Variants in GPC6 observed in about 807,000 individuals in gnomAD.
GPC6 encodes glypican-6.
GPC6 carries 14 observed loss-of-function variants against 55.2 expected under a neutral mutation model. The ratio of observed to expected loss-of-function variants is 0.25; its 90% CI spans 0.17 to 0.40. The LOEUF is 0.40. Ranked by LOEUF, GPC6 falls within the 10% of genes least tolerant of loss-of-function variation. GPC6 has a pLI of 1.00. For synonymous variants in GPC6, 278 were observed against 259.6 expected (o/e 1.07, Z -0.68); for missense variants, 641 against 708.5 (o/e 0.90, Z 1.08).
intron 1 of GPC6, among the ~76,000 whole-genome samples, chr13:93,442,202 G>T (rs1038018757): frequency 2.6e-5 from 4 of 152,150 alleles, no homozygotes; most frequent in Non-Finnish European, 5.9e-5. Context: ...TCCACCAGAG[G>T]CTCCTAAGTA....
chr13:94,312,527 G>T (rs781293152), intron 6 of GPC6, among the ~76,000 whole-genome samples: 61 of 152,148 alleles, frequency 4.0e-4, no homozygotes, highest in Middle Eastern at 6.3e-3. Flanking sequence ...AATTGCCATG[G>T]CATTTCATTG....
chr13:93,233,858 C>T (rs192352341), intron 1 of GPC6, among the ~76,000 whole-genome samples: 15 of 152,210 alleles, frequency 9.9e-5, no homozygotes, highest in Admixed American at 2.0e-4. Flanking sequence ...CTTACATAGA[C>T]GGAAAGAATC....
chr13:93,687,834 A>G (rs149447654), intron 2 of GPC6, among the ~76,000 whole-genome samples: 51 of 152,010 alleles, frequency 3.4e-4, no homozygotes, highest in Non-Finnish European at 6.2e-4. Context: ...TAACCCTTTC[A>G]TCCCTTCCGT....
chr13:93,686,401 T>C (rs540507855), intron 2 of GPC6, among the ~76,000 whole-genome samples: 1 of 152,252 alleles, frequency 6.6e-6, no homozygotes, highest in African/African-American at 2.4e-5. Flanking sequence ...ATCCTTTGGC[T>C]GTCTTGAGAT....
At chr13:94,090,222 CCA>C (rs1391013878) in intron 4 of GPC6, among the ~76,000 whole-genome samples, 1 of 152,054 alleles carries the variant, frequency 6.6e-6, no homozygotes, top group African/African-American at 2.4e-5. Context: ...CTTTATAAAA[CCA>C]TCAGATCTCG....
intron 2 of GPC6, among the ~76,000 whole-genome samples, chr13:93,586,870 A>T (rs1014063415): frequency 2.4e-4 from 37 of 151,802 alleles, no homozygotes; most frequent in African/African-American, 8.0e-4. Context: ...GTTATTGGGG[A>T]TTCTGTGAAA....
At position 94,279,874 on chromosome 13, in the gene GPC6, A is replaced by G. The variant is rs533267217; in HGVS notation, c.878-6475A>G. Reference sequence around the variant, plus strand: ...TGTTTTACTTCCAATTATGTGATCAATTTTAGAGCAAGTGTCATGTGGCAC... The same window carrying G: ...TGTTTTACTTCCAATTATGTGATCAGTTTTAGAGCAAGTGTCATGTGGCAC... On this transcript the variant is annotated intron_variant, in intron 4 of 8. Coordinates refer to ENST00000377047, the MANE Select transcript of GPC6 (RefSeq NM_005708.5). 1.3e-3 allele frequency among the ~76,000 whole-genome samples: 203 copies of G among 152,242 alleles called. 1 individual carries two copies. Among genetic ancestry groups the G allele is most frequent in the Non-Finnish European group, 1.7e-3 (117 of 68,020 alleles).
chr13:93,300,328 C>T (rs1005070917), intron 1 of GPC6, among the ~76,000 whole-genome samples: 1 of 152,132 alleles, frequency 6.6e-6, no homozygotes, highest in East Asian at 1.9e-4. Context: ...TTCGTAAATT[C>T]AGCAAGTTCC....
At chr13:93,794,723 C>G (rs1886147325) in intron 2 of GPC6, among the ~76,000 whole-genome samples, 1 of 152,130 alleles carries the variant, frequency 6.6e-6, no homozygotes, top group African/African-American at 2.4e-5. Context: ...ATTAGAGTCA[C>G]TTATAGTAGA....
chr13:93,926,692 A>G (rs555649782), intron 3 of GPC6, among the ~76,000 whole-genome samples: 2 of 152,336 alleles, frequency 1.3e-5, no homozygotes, highest in African/African-American at 4.8e-5. Context: ...GTTATGGGCT[A>G]TAATTCAAAT....
In GPC6 at chr13:93,227,514, C is replaced by T. The variant is rs1274891198; in HGVS notation, c.58C>T (p.Pro20Ser). 11 of 1,613,758 alleles carry T rather than the reference C, an allele frequency of 6.8e-6. No homozygotes were observed. Among genetic ancestry groups the T allele is most frequent in the Non-Finnish European group, 9.3e-6 (11 of 1,179,802 alleles). The change falls in exon 1 of 9, where the codon CCC becomes TCC. Residue 20 changes from proline to serine, a missense_variant. Pro to Ser is a moderately conservative substitution (Grantham distance 74). Transcript: ENST00000377047. This position sits in a 1 kb window ranked among gnomAD's most constrained non-coding sequence, Gnocchi z 4.3. ...LPLLGLLLSL[P>S]AGADVKARSC... ...CCTCTTGGGGCTGCTGCTCTCCCTCCCCGCCGGGGCGGATGTGAAGGCTCG... is the reference window on the plus strand; with the variant it reads ...CCTCTTGGGGCTGCTGCTCTCCCTCTCCGCCGGGGCGGATGTGAAGGCTCG...
At chr13:93,668,621 G>A (rs758716012) in intron 2 of GPC6, among the ~76,000 whole-genome samples, 10 of 152,164 alleles carry the variant, frequency 6.6e-5, no homozygotes, top group Non-Finnish European at 5.9e-5. Context: ...AGACCGCCAT[G>A]TGAATATGGA....
chr13:93,560,434 C>A (rs1395928024), intron 2 of GPC6, among the ~76,000 whole-genome samples: 1 of 151,880 alleles, frequency 6.6e-6, no homozygotes, highest in Non-Finnish European at 1.5e-5. Flanking sequence ...TGGGGAGGAT[C>A]ACTTCAGCCC....
rs569969049 is a variant in GPC6, at chr13:93,743,231, G to A, written c.320-86923G>A. On this transcript the variant is annotated intron_variant, in intron 2 of 8. Coordinates refer to ENST00000377047, the MANE Select transcript of GPC6 (RefSeq NM_005708.5). ...AGACACTGAAAGGTCAAGTAGACAGGTGTAGGTATCACAGACCATGGGGTA... is the reference window on the plus strand; with the variant it reads ...AGACACTGAAAGGTCAAGTAGACAGATGTAGGTATCACAGACCATGGGGTA... Among the ~76,000 whole-genome samples the A allele has an allele frequency of 4.6e-5, 7 of 152,256 alleles. No homozygotes were observed. In the South Asian group the frequency reaches 1.5e-3, roughly 32 times the overall value.
chr13:94,135,486 A>G (rs546104389), intron 4 of GPC6, among the ~76,000 whole-genome samples: 2 of 152,272 alleles, frequency 1.3e-5, no homozygotes, highest in African/African-American at 4.8e-5. Context: ...TCTACTTTCA[A>G]TTTAATTCAG....
chr13:94,303,266 C>T (rs758929439), intron 5 of GPC6, among the ~76,000 whole-genome samples: 18 of 152,214 alleles, frequency 1.2e-4, no homozygotes, highest in Admixed American at 6.5e-5. Context: ...TGTCCCTCCC[C>T]CTGTGCTCTT....
chr13:94,087,643 G>A (rs1040012184), intron 4 of GPC6, among the ~76,000 whole-genome samples: 3 of 152,202 alleles, frequency 2.0e-5, no homozygotes, highest in Non-Finnish European at 4.4e-5. Flanking sequence ...CCTGCCAAAA[G>A]TCATTTAGTT....
intron 2 of GPC6, among the ~76,000 whole-genome samples, chr13:93,734,737 A>T (rs993365166): frequency 6.6e-6 from 1 of 152,190 alleles, no homozygotes; most frequent in Non-Finnish European, 1.5e-5. Context: ...GGAAATTTTT[A>T]AAAATAACCA....
intron 4 of GPC6, among the ~76,000 whole-genome samples, chr13:94,090,129 C>T (rs893202707): frequency 6.6e-6 from 1 of 152,056 alleles, no homozygotes; most frequent in Non-Finnish European, 1.5e-5. Flanking sequence ...GGGAAGGCTT[C>T]ATAATCATGG....
Sources: gnomAD v4.1 joint callset for allele counts (sites outside exome capture counted in the v4.1 genomes callset) on GRCh38, gnomAD v4.1.1 for gene constraint, Gnocchi (gnomAD v3.1) non-coding constraint, MANE v1.5 for transcripts, NCBI Gene and HGNC (gene_info 2026-07-23, HGNC 2026-07-21) for gene names.